Variants in BBX observed in about 807,000 individuals in gnomAD.
BBX encodes the protein HMG box transcription factor BBX.
A neutral mutation model predicts 100.2 loss-of-function variants in BBX; 30 were observed. That is an observed-to-expected ratio of 0.30 (90% CI 0.22 to 0.41). The LOEUF is 0.41. Among genes scored for constraint, BBX ranks in the 10% least tolerant of loss-of-function variants. The pLI is 1.00. For synonymous variants in BBX, 376 were observed against 388.1 expected, an observed-to-expected ratio of 0.97 and a Z score of 0.37; for missense variants, 1,023 against 1,129.8, an observed-to-expected ratio of 0.91 and a Z score of 1.35.
chr3:107,747,109 T>G (rs1047519852), intron 8 of BBX, among the ~76,000 whole-genome samples: 4 of 152,144 alleles, frequency 2.6e-5, no homozygotes, highest in African/African-American at 9.7e-5. Flanking sequence ...TTTCCACATG[T>G]TCCTCTGAGC....
intron 3 of BBX, among the ~76,000 whole-genome samples, chr3:107,688,551 A>G (rs2059977420): frequency 6.6e-6 from 1 of 152,210 alleles, no homozygotes. Context: ...TGAATTCTCC[A>G]ATGGCTTTTA....
At chr3:107,637,437 T>C (rs1039045005) in intron 2 of BBX, among the ~76,000 whole-genome samples, 3 of 152,186 alleles carry the variant, frequency 2.0e-5, no homozygotes, top group Admixed American at 2.0e-4. Flanking sequence ...TTCCTGCTAG[T>C]CTGTGGATGA....
chr3:107,723,292 G>A (rs887163761), intron 5 of BBX, among the ~76,000 whole-genome samples: 1 of 151,946 alleles, frequency 6.6e-6, no homozygotes, highest in African/African-American at 2.4e-5. Context: ...ACAGGCAAAC[G>A]GAGAACAGTT....
intron 2 of BBX, among the ~76,000 whole-genome samples, chr3:107,574,042 G>A (rs2051583796): frequency 6.6e-6 from 1 of 152,074 alleles, no homozygotes; most frequent in African/African-American, 2.4e-5. Flanking sequence ...TTCTTTATAA[G>A]TATTCTTATG....
intron 2 of BBX, among the ~76,000 whole-genome samples, chr3:107,576,812 T>C (rs1381716249): frequency 6.6e-6 from 1 of 152,156 alleles, no homozygotes; most frequent in Non-Finnish European, 1.5e-5. Context: ...TATTTTTCTT[T>C]CCTCCCGAAG....
At chr3:107,638,315 A>G (rs1043647873) in intron 2 of BBX, among the ~76,000 whole-genome samples, 4 of 152,182 alleles carry the variant, frequency 2.6e-5, no homozygotes, top group African/African-American at 9.6e-5. Flanking sequence ...TTGGCCTCCC[A>G]AAGTGCTAGA....
chr3:107,531,502 T>A (rs751160018), intron 2 of BBX, among the ~76,000 whole-genome samples: 2 of 152,104 alleles, frequency 1.3e-5, no homozygotes, highest in Non-Finnish European at 2.9e-5. Flanking sequence ...GCTCAATATA[T>A]AGTCTCTGTT....
intron 2 of BBX, among the ~76,000 whole-genome samples, chr3:107,612,594 A>G (rs1367267433): frequency 6.6e-6 from 1 of 152,104 alleles, no homozygotes; most frequent in Non-Finnish European, 1.5e-5. Flanking sequence ...CCCCCAAACA[A>G]GTGGAATCTC....
intron 2 of BBX, among the ~76,000 whole-genome samples, chr3:107,538,754 A>G (rs964319887): frequency 1.3e-4 from 20 of 152,094 alleles, no homozygotes; most frequent in Non-Finnish European, 5.9e-5. Flanking sequence ...AAAGGATCAG[A>G]GGAACACAGT....
In BBX at chr3:107,716,862, G is replaced by A. The variant is rs2062144381; in HGVS notation, c.405+13G>A. ...CATGGCCAAGGAGGTAGGTTACAAT[G>A]ACAAGGTATTCTGATAGCTAAAAGC... On this transcript the variant is annotated intron_variant, in intron 5 of 17. Coordinates refer to ENST00000325805, the MANE Select transcript of BBX (RefSeq NM_001142568.3). The A allele has an allele frequency of 6.2e-7, 1 of 1,611,590 alleles. No individual in the cohort carries two copies. The highest frequency in any genetic ancestry group is 1.3e-5 in the African/African-American group (1 of 74,822).
At chr3:107,695,580 T>G (rs1321574288) in intron 3 of BBX, among the ~76,000 whole-genome samples, 1 of 150,944 alleles carries the variant, frequency 6.6e-6, no homozygotes, top group Non-Finnish European at 1.5e-5. Flanking sequence ...ATAATTTCTG[T>G]TCTTTTACAT....
chr3:107,595,303 G>T (rs943255628), intron 2 of BBX, among the ~76,000 whole-genome samples: 4 of 152,346 alleles, frequency 2.6e-5, no homozygotes, highest in African/African-American at 9.6e-5. Context: ...ATAATAGTTT[G>T]TGGAAGAGAA....
intron 7 of BBX, among the ~76,000 whole-genome samples, chr3:107,738,323 A>G (rs1203018016): frequency 6.6e-6 from 1 of 152,166 alleles, no homozygotes; most frequent in East Asian, 1.9e-4. Flanking sequence ...CTAGAAGACT[A>G]AGAAACTTGG....
At chr3:107,701,990 A>G (rs2061093731) in intron 3 of BBX, among the ~76,000 whole-genome samples, 2 of 152,178 alleles carry the variant, frequency 1.3e-5, no homozygotes, top group African/African-American at 4.8e-5. Context: ...AGAATTTATA[A>G]TGGGCACGGT....
intron 10 of BBX, among the ~76,000 whole-genome samples, chr3:107,757,179 G>A (rs143752693): frequency 1.3e-5 from 2 of 151,972 alleles, no homozygotes; most frequent in African/African-American, 4.8e-5. Context: ...TTCAATGTAT[G>A]ATATTTACCT....
chr3:107,723,016 T>G (rs1028466615), intron 5 of BBX, among the ~76,000 whole-genome samples: 5 of 152,082 alleles, frequency 3.3e-5, no homozygotes, highest in African/African-American at 1.2e-4. Flanking sequence ...TATATGATTA[T>G]ACAGTAAAAC....
At chr3:107,598,438 G>GACT (rs2053817300) in intron 2 of BBX, among the ~76,000 whole-genome samples, 1 of 152,102 alleles carries the variant, frequency 6.6e-6, no homozygotes, top group South Asian at 2.1e-4. Flanking sequence ...TACTCACATT[G>GACT]ACTAGTACTT....
At chr3:107,687,425 G>T (rs965100848) in intron 3 of BBX, among the ~76,000 whole-genome samples, 1 of 151,956 alleles carries the variant, frequency 6.6e-6, no homozygotes, top group Admixed American at 6.6e-5. Context: ...GAATGGAGAG[G>T]GGGGAATGGA....
chr3:107,687,271 T>G (rs906818468), intron 3 of BBX, among the ~76,000 whole-genome samples: 2 of 151,448 alleles, frequency 1.3e-5, no homozygotes, highest in Non-Finnish European at 2.9e-5. Flanking sequence ...AAACAGGGAG[T>G]GAGACAAATA....
Sources: gnomAD v4.1 joint callset for allele counts (sites outside exome capture counted in the v4.1 genomes callset) on GRCh38, gnomAD v4.1.1 for gene constraint, MANE v1.5 for transcripts, NCBI Gene and HGNC (gene_info 2026-07-23, HGNC 2026-07-21) for gene names.